GALNTL6: variants seen among roughly 807,000 people sequenced by gnomAD.
GALNTL6 encodes polypeptide N-acetylgalactosaminyltransferase like 6, also known as polypeptide N-acetylgalactosaminyltransferase-like 6.
Under a neutral mutation model 73.7 loss-of-function variants are expected in GALNTL6, and 46 were observed. The observed-to-expected ratio is 0.62, with a 90% confidence interval of 0.49 to 0.80. The LOEUF (loss-of-function observed/expected upper bound fraction) is 0.80, where lower values mean the gene tolerates loss of function less well. Ranked by LOEUF, GALNTL6 falls within the 30% of genes least tolerant of loss-of-function variation. GALNTL6 has a pLI of 0.00. For missense variants in GALNTL6, 604 were observed against 755.0 expected (o/e 0.80, Z 2.34); for synonymous variants, 259 against 263.7 (o/e 0.98, Z 0.17).
At chr4:172,477,881 C>A (rs1733296707) in intron 5 of GALNTL6, among the ~76,000 whole-genome samples, 1 of 151,678 alleles carries the variant, frequency 6.6e-6, no homozygotes, top group Non-Finnish European at 1.5e-5. Context: ...ATAGAATATG[C>A]AGTAGAAAAA....
At chr4:172,109,910 T>C (rs913558122) in intron 2 of GALNTL6, among the ~76,000 whole-genome samples, 6 of 152,206 alleles carry the variant, frequency 3.9e-5, no homozygotes, top group Non-Finnish European at 7.3e-5. Flanking sequence ...ATAAAATGCT[T>C]ATAAGTATGT....
chr4:172,351,424 T>C (rs1741941962), intron 5 of GALNTL6, among the ~76,000 whole-genome samples: 1 of 152,138 alleles, frequency 6.6e-6, no homozygotes, highest in African/African-American at 2.4e-5. Flanking sequence ...ATAAGGAGAT[T>C]ATGTTATCTA....
intron 2 of GALNTL6, among the ~76,000 whole-genome samples, chr4:171,985,208 A>T (rs332984): frequency 0.87 from 131,795 of 152,134 alleles, 58,192 homozygotes; most frequent in East Asian, 0.96. Context: ...TATAAAGAAA[A>T]AAAAAGCTTT....
rs189494400 is a variant in GALNTL6, at chr4:171,990,170, C to T, written c.138+175452C>T. On this transcript the variant is annotated intron_variant, in intron 2 of 12. Coordinates refer to ENST00000506823, the MANE Select transcript of GALNTL6 (RefSeq NM_001034845.3). ...CATTGAATTTAACCTCTTACCCAGA[C>T]AGTAAATTTACTTCCTTTTATTTAT... Among the ~76,000 whole-genome samples, 700 of 152,246 alleles carry T rather than the reference C, an allele frequency of 4.6e-3. 6 individuals carry two copies. Among genetic ancestry groups the T allele is most frequent in the African/African-American group, 0.016 (657 of 41,544 alleles).
chr4:172,484,409 C>T (rs1561105356), intron 5 of GALNTL6, among the ~76,000 whole-genome samples: 2 of 152,080 alleles, frequency 1.3e-5, no homozygotes, highest in Non-Finnish European at 2.9e-5. Context: ...ATCAGTGTAA[C>T]AGGAAGTATA....
chr4:172,624,251 TTTG>T (rs1405685791), intron 5 of GALNTL6, among the ~76,000 whole-genome samples: 5 of 152,186 alleles, frequency 3.3e-5, no homozygotes, highest in East Asian at 1.9e-4. Flanking sequence ...GGAGTGCTTT[TTTG>T]TTGTTGTTTT....
At chr4:171,824,814 C>T (rs1734780866) in intron 2 of GALNTL6, among the ~76,000 whole-genome samples, 1 of 152,002 alleles carries the variant, frequency 6.6e-6, no homozygotes, top group African/African-American at 2.4e-5. Flanking sequence ...GTGTTTGAAT[C>T]ATGTTTAACT....
chr4:172,288,684 T>C (rs1356542487), intron 3 of GALNTL6, among the ~76,000 whole-genome samples: 1 of 152,200 alleles, frequency 6.6e-6, no homozygotes, highest in Non-Finnish European at 1.5e-5. Flanking sequence ...ATAATAAGTA[T>C]GTAATAAATA....
At chr4:173,008,008 A>C (rs1024161231) in intron 10 of GALNTL6, among the ~76,000 whole-genome samples, 1 of 152,210 alleles carries the variant, frequency 6.6e-6, no homozygotes, top group Non-Finnish European at 1.5e-5. Flanking sequence ...TATGTAGAGA[A>C]TCTTTATCCA....
intron 3 of GALNTL6, among the ~76,000 whole-genome samples, chr4:172,295,077 A>G (rs1739618487): frequency 6.6e-6 from 1 of 152,132 alleles, no homozygotes; most frequent in Non-Finnish European, 1.5e-5. Context: ...CTTTCGTTTA[A>G]TGTAAAAATG....
intron 2 of GALNTL6, among the ~76,000 whole-genome samples, chr4:172,204,559 T>C (rs1736050547): frequency 6.6e-6 from 1 of 152,200 alleles, no homozygotes; most frequent in African/African-American, 2.4e-5. Flanking sequence ...AACATATTTT[T>C]AATAATATTG....
intron 5 of GALNTL6, among the ~76,000 whole-genome samples, chr4:172,660,833 A>G (rs1731329451): frequency 6.6e-6 from 1 of 152,230 alleles, no homozygotes; most frequent in Non-Finnish European, 1.5e-5. Context: ...AAGGTAATTA[A>G]GTTACCCTCT....
At chr4:172,211,020 G>A (rs184952602) in intron 2 of GALNTL6, among the ~76,000 whole-genome samples, 1 of 152,154 alleles carries the variant, frequency 6.6e-6, no homozygotes, top group Non-Finnish European at 1.5e-5. Context: ...AGCTCTTTCA[G>A]TTGGCTCTTG....
At chr4:172,488,871 T>C (rs1733792844) in intron 5 of GALNTL6, among the ~76,000 whole-genome samples, 1 of 151,256 alleles carries the variant, frequency 6.6e-6, no homozygotes, top group Non-Finnish European at 1.5e-5. Context: ...GTTCTGTGGA[T>C]GGAAAGGAAG....
At chr4:171,937,179 C>A (rs565987573) in intron 2 of GALNTL6, among the ~76,000 whole-genome samples, 1 of 152,106 alleles carries the variant, frequency 6.6e-6, no homozygotes, top group Non-Finnish European at 1.5e-5. Context: ...TTAACTATTT[C>A]TGGGGTAAGA....
chr4:172,420,458 T>C (rs1055794253), intron 5 of GALNTL6, among the ~76,000 whole-genome samples: 1 of 152,174 alleles, frequency 6.6e-6, no homozygotes, highest in Non-Finnish European at 1.5e-5. Flanking sequence ...AAGGGGAATG[T>C]GTTTTTTAAG....
At chr4:172,272,217 A>G (rs1320760484) in intron 3 of GALNTL6, among the ~76,000 whole-genome samples, 1 of 152,148 alleles carries the variant, frequency 6.6e-6, no homozygotes, top group Non-Finnish European at 1.5e-5. Flanking sequence ...AGCCTCCCAA[A>G]TTGCTGGGAT....
chr4:172,289,074 T>C (rs974478121), intron 3 of GALNTL6, among the ~76,000 whole-genome samples: 6 of 152,108 alleles, frequency 3.9e-5, no homozygotes, highest in Non-Finnish European at 5.9e-5. Context: ...TGTGGAAAAA[T>C]ATTGCTTTGT....
intron 5 of GALNTL6, among the ~76,000 whole-genome samples, chr4:172,386,229 T>C (rs969788051): frequency 5.3e-5 from 8 of 152,190 alleles, no homozygotes; most frequent in African/African-American, 1.7e-4. Context: ...TTCAGGCTGC[T>C]ATAACAAAAA....
Sources: allele counts gnomAD v4.1 joint callset (sites outside exome capture counted in the v4.1 genomes callset), GRCh38; gene constraint gnomAD v4.1.1; transcripts MANE v1.5; gene names NCBI Gene and HGNC (gene_info 2026-07-23, HGNC 2026-07-21).